Variants in SKAP2 observed in about 807,000 individuals in gnomAD.
The protein encoded by SKAP2 is src kinase associated phosphoprotein 2, also known as src kinase-associated phosphoprotein 2.
In SKAP2, 28 loss-of-function variants were observed where a neutral mutation model predicts 54.9. That is an observed-to-expected ratio of 0.51 (90% CI 0.38 to 0.70). The LOEUF is 0.70. SKAP2 is among the 30% of genes least tolerant of loss of function. The probability of loss-of-function intolerance (pLI) is 0.00; values close to 1 mark genes in which losing one functional copy is unlikely to be tolerated. For synonymous variants in SKAP2, 137 were observed against 134.3 expected (o/e 1.02, Z -0.14); for missense variants, 356 against 424.1 (o/e 0.84, Z 1.41).
chr7:26,740,509 G>A (rs1475738446), intron 4 of SKAP2, among the ~76,000 whole-genome samples: 1 of 152,030 alleles, frequency 6.6e-6, no homozygotes, highest in African/African-American at 2.4e-5. Context: ...TTTTTATAGG[G>A]CATTTAAGAG....
chr7:26,767,315 G>A (rs1025877150), intron 4 of SKAP2, among the ~76,000 whole-genome samples: 14 of 152,038 alleles, frequency 9.2e-5, no homozygotes, highest in East Asian at 7.7e-4. Context: ...AGTGGTGATC[G>A]CCCCATTATC....
At chr7:26,815,349 T>C (rs538280628) in intron 4 of SKAP2, among the ~76,000 whole-genome samples, 1 of 152,164 alleles carries the variant, frequency 6.6e-6, no homozygotes, top group South Asian at 2.1e-4. Flanking sequence ...ATACAGAGAA[T>C]AGAATCTCAA....
At chr7:26,744,220 T>A (rs1384733415) in intron 4 of SKAP2, among the ~76,000 whole-genome samples, 1 of 152,104 alleles carries the variant, frequency 6.6e-6, no homozygotes, top group Non-Finnish European at 1.5e-5. Context: ...AAGAAATAAG[T>A]TTTATCTTTT....
chr7:26,807,212 G>A (rs1388676639), intron 4 of SKAP2, among the ~76,000 whole-genome samples: 1 of 152,166 alleles, frequency 6.6e-6, no homozygotes, highest in Admixed American at 6.5e-5. Flanking sequence ...AAATTTAGGC[G>A]ATACAGCAGT....
At chr7:26,782,162 T>C (rs893620127) in intron 4 of SKAP2, among the ~76,000 whole-genome samples, 2 of 152,162 alleles carry the variant, frequency 1.3e-5, no homozygotes, top group African/African-American at 2.4e-5. Context: ...GACCACTAAA[T>C]ATGCTATAAG....
At position 26,824,934 on chromosome 7, in the gene SKAP2, A is replaced by C. The variant is rs191793649; in HGVS notation, c.307+19096T>G. ...TACCTATGTTGGTGGATGTTTTCAG[A>C]AAGAACTCCAGAGCATTATTAAATA... On this transcript the variant is annotated intron_variant, in intron 4 of 12. Coordinates refer to ENST00000345317, the MANE Select transcript of SKAP2 (RefSeq NM_003930.5). Among the ~76,000 whole-genome samples, 45 of 152,260 alleles carry C rather than the reference A, an allele frequency of 3.0e-4. 2 individuals are homozygous for C. The East Asian group carries it at 8.3e-3, about 28-fold the overall frequency.
At chr7:26,843,828 T>C (rs1214832074) in intron 4 of SKAP2, among the ~76,000 whole-genome samples, 1 of 151,778 alleles carries the variant, frequency 6.6e-6, no homozygotes, top group Non-Finnish European at 1.5e-5. Context: ...GTAAAGAAAA[T>C]TTCCAAGAAA....
At chr7:26,760,535 T>C (rs929200167) in intron 4 of SKAP2, among the ~76,000 whole-genome samples, 2 of 152,198 alleles carry the variant, frequency 1.3e-5, no homozygotes, top group Non-Finnish European at 1.5e-5. Context: ...GTCTGATTTA[T>C]AATTTAGGCA....
intron 9 of SKAP2, among the ~76,000 whole-genome samples, chr7:26,717,564 A>G (rs1225751966): frequency 2.2e-5 from 3 of 138,044 alleles, no homozygotes; most frequent in Admixed American, 7.8e-5. Flanking sequence ...TGTGGCTCAT[A>G]CCTATAATCC....
chr7:26,725,263 T>C (rs1295558482), intron 9 of SKAP2, among the ~76,000 whole-genome samples, 165 bp downstream of exon 9: 1 of 152,088 alleles, frequency 6.6e-6, no homozygotes, highest in Non-Finnish European at 1.5e-5. Flanking sequence ...GCAGAACCCT[T>C]TTTGTAAAAT....
Position 26,712,155 on chromosome 7 carries a change from T to C in SKAP2, c.796+13273A>G, listed in dbSNP as rs1025892915. Among the ~76,000 whole-genome samples, 26 of 152,188 alleles carry C rather than the reference T, an allele frequency of 1.7e-4. 1 individual carries two copies. Reference sequence around the variant, plus strand: ...GACTAGAAGCGTTTCAAATTTCAGATTTTTTTGAATTTTGGAACACTTGCA... The same window carrying C: ...GACTAGAAGCGTTTCAAATTTCAGACTTTTTTGAATTTTGGAACACTTGCA... On this transcript the variant is annotated intron_variant, in intron 9 of 12. Coordinates refer to ENST00000345317, the MANE Select transcript of SKAP2 (RefSeq NM_003930.5).
At chr7:26,819,334 G>A (rs1026493266) in intron 4 of SKAP2, among the ~76,000 whole-genome samples, 38 of 152,086 alleles carry the variant, frequency 2.5e-4, no homozygotes, top group African/African-American at 8.4e-4. Flanking sequence ...ACCAAACACC[G>A]CATGTTCTCA....
At chr7:26,854,418 T>C (rs1196340341) in intron 2 of SKAP2, among the ~76,000 whole-genome samples, 1 of 152,088 alleles carries the variant, frequency 6.6e-6, no homozygotes, top group African/African-American at 2.4e-5. Context: ...ATATTACATT[T>C]ATTCATTTAA....
At chr7:26,822,470 T>C (rs1237187925) in intron 4 of SKAP2, among the ~76,000 whole-genome samples, 1 of 152,164 alleles carries the variant, frequency 6.6e-6, no homozygotes, top group Non-Finnish European at 1.5e-5. Context: ...ACTTTAATAA[T>C]AAATGTATGT....
At chr7:26,806,270 T>C (rs1281456614) in intron 4 of SKAP2, among the ~76,000 whole-genome samples, 1 of 152,164 alleles carries the variant, frequency 6.6e-6, no homozygotes, top group Non-Finnish European at 1.5e-5. Context: ...CCTCTCACTT[T>C]AAATCAAAAG....
intron 4 of SKAP2, among the ~76,000 whole-genome samples, chr7:26,831,959 C>A (rs1474934599): frequency 6.6e-6 from 1 of 152,118 alleles, no homozygotes; most frequent in Non-Finnish European, 1.5e-5. Flanking sequence ...TGGTCATTTC[C>A]AGCTCCGTTT....
At chr7:26,722,660 C>T (rs1051982440) in intron 9 of SKAP2, among the ~76,000 whole-genome samples, 6 of 152,044 alleles carry the variant, frequency 3.9e-5, no homozygotes, top group Non-Finnish European at 5.9e-5. Context: ...CCACCTAACT[C>T]GGCCTCCCAA....
chr7:26,828,044 A>G (rs1784526985), intron 4 of SKAP2, among the ~76,000 whole-genome samples: 1 of 152,238 alleles, frequency 6.6e-6, no homozygotes, highest in African/African-American at 2.4e-5. Context: ...TTCTTTTGTT[A>G]AGCTAACAAC....
In SKAP2 at chr7:26,864,409, G is replaced by A. The variant is rs761076578; in HGVS notation, c.21C>T (p.Thr7=). Reference sequence around the variant, plus strand: ...CCTCAGGGAGGGGGTAGGGAGAGGAGGTGCTGCTGGGGTTGGGCATGTTAG... The same window carrying A: ...CCTCAGGGAGGGGGTAGGGAGAGGAAGTGCTGCTGGGGTTGGGCATGTTAG... MPNPSS[T]SSPYPLPEEI... The change falls in exon 1 of 13, where the codon ACC becomes ACT. Residue 7 remains threonine, a synonymous_variant. Transcript: ENST00000345317. 1 of 1,611,356 alleles carries A rather than the reference G, an allele frequency of 6.2e-7. No individual in the cohort carries two copies. Among genetic ancestry groups the A allele is most frequent in the Non-Finnish European group, 8.5e-7 (1 of 1,178,640 alleles).
Sources: allele counts gnomAD v4.1 joint callset (sites outside exome capture counted in the v4.1 genomes callset), GRCh38; gene constraint gnomAD v4.1.1; transcripts MANE v1.5; gene names NCBI Gene and HGNC (gene_info 2026-07-23, HGNC 2026-07-21).